The following ADAMTS17 variants were observed in gnomAD, a reference collection of about 807,000 sequenced individuals.
ADAMTS17 encodes ADAM metallopeptidase with thrombospondin type 1 motif 17, also known as A disintegrin and metalloproteinase with thrombospondin motifs 17.
Under a neutral mutation model 141.5 loss-of-function variants are expected in ADAMTS17, and 113 were observed. The ratio of observed to expected loss-of-function variants is 0.80; its 90% CI spans 0.69 to 0.93. The LOEUF is 0.93. Among genes scored for constraint, ADAMTS17 ranks in the 40% least tolerant of loss-of-function variants. ADAMTS17 has a pLI of 0.00. For missense variants in ADAMTS17, 1,659 were observed against 1,517.9 expected (o/e 1.09, Z -1.54); for synonymous variants, 768 against 630.6 (o/e 1.22, Z -3.27).
At position 99,976,636 on chromosome 15, in the gene ADAMTS17, G is replaced by A. The variant is rs1205521472; in HGVS notation, c.2950-414C>T. The A allele has an allele frequency of 9.4e-6, 3 of 319,208 alleles. No homozygotes were observed. In the East Asian group the frequency reaches 2.5e-4, roughly 26 times the overall value. The allele number at this position is 319,208 out of a possible 1,614,324, so 19.8% of individuals were successfully genotyped here. ...GAGTAGGGTTAGATGTCATGAGGGTGGAGCCTCCATGCTGGGAATAGTGTG... is the reference window on the plus strand; with the variant it reads ...GAGTAGGGTTAGATGTCATGAGGGTAGAGCCTCCATGCTGGGAATAGTGTG... On this transcript the variant is annotated intron_variant, in intron 20 of 21. Coordinates refer to ENST00000268070, the MANE Select transcript of ADAMTS17 (RefSeq NM_139057.4).
intron 20 of ADAMTS17, among the ~76,000 whole-genome samples, chr15:99,981,353 G>GCAGGGCCAGGT (rs144853592): frequency 0.05 from 7,619 of 152,244 alleles, 654 homozygotes; most frequent in African/African-American, 0.17. Flanking sequence ...CCCCCATGAG[G>GCAGGGCCAGGT]CAGGGCCAGG....
At chr15:100,013,891 G>A (rs977455539) in intron 18 of ADAMTS17, among the ~76,000 whole-genome samples, 5 of 152,124 alleles carry the variant, frequency 3.3e-5, no homozygotes, top group African/African-American at 1.2e-4. Context: ...GGGTGATGCT[G>A]GCTTCATAGA....
At chr15:100,059,272 C>T (rs1258089752) in intron 15 of ADAMTS17, among the ~76,000 whole-genome samples, 1 of 152,258 alleles carries the variant, frequency 6.6e-6, no homozygotes, top group Non-Finnish European at 1.5e-5. Flanking sequence ...TGCCCACGCA[C>T]TGCCTGTGGC....
At chr15:100,033,795 C>T (rs2030427497) in intron 18 of ADAMTS17, among the ~76,000 whole-genome samples, 1 of 152,160 alleles carries the variant, frequency 6.6e-6, no homozygotes, top group African/African-American at 2.4e-5. Context: ...GGAGCTACTC[C>T]ACATTCTTTC....
At chr15:100,299,155 GGTACTGGGCTA>G (rs1005357309) in intron 3 of ADAMTS17, among the ~76,000 whole-genome samples, 13 of 152,050 alleles carry the variant, frequency 8.5e-5, no homozygotes, top group Non-Finnish European at 1.8e-4. Flanking sequence ...CACATTCTAA[GGTACTGGGCTA>G]GTTAGTACTT....
intron 7 of ADAMTS17, among the ~76,000 whole-genome samples, chr15:100,227,757 T>G (rs1430600478): frequency 6.6e-6 from 1 of 152,208 alleles, no homozygotes; most frequent in African/African-American, 2.4e-5. Flanking sequence ...CAGCCACTGC[T>G]GCAAGGGAGA....
At chr15:100,025,029 G>C (rs1234390528) in intron 18 of ADAMTS17, among the ~76,000 whole-genome samples, 2 of 152,180 alleles carry the variant, frequency 1.3e-5, no homozygotes, top group Non-Finnish European at 1.5e-5. Context: ...CACACAGTCA[G>C]GGAGATCGGT....
At chr15:100,310,694 T>G (rs1364699324) in intron 3 of ADAMTS17, among the ~76,000 whole-genome samples, 1 of 152,164 alleles carries the variant, frequency 6.6e-6, no homozygotes, top group Admixed American at 6.5e-5. Flanking sequence ...CGCCTGACGT[T>G]TTCTGCTCCA....
chr15:99,975,553 T>C lies in ADAMTS17; in HGVS notation c.3127+492A>G, dbSNP rs1190184632. On this transcript the variant is annotated intron_variant, in intron 21 of 21. Transcript: ENST00000268070. ...TCTTCTCCTTGTATCACCACTGACC[T>C]GGGGCATGAACTGGTAAGAGGCCAG... Among the ~76,000 whole-genome samples, 10 of 152,056 alleles carry C rather than the reference T, an allele frequency of 6.6e-5. No individual in the cohort carries two copies. The East Asian group carries it at 1.9e-3, about 30-fold the overall frequency.
At chr15:100,156,119 C>T (rs147642048) in intron 8 of ADAMTS17, among the ~76,000 whole-genome samples, 1 of 152,348 alleles carries the variant, frequency 6.6e-6, no homozygotes, top group African/African-American at 2.4e-5. Flanking sequence ...AGACACTTTC[C>T]AAGTGCCAGG....
intron 4 of ADAMTS17, among the ~76,000 whole-genome samples, chr15:100,272,433 T>C (rs1369938004): frequency 1.3e-5 from 2 of 151,878 alleles, no homozygotes; most frequent in Non-Finnish European, 2.9e-5. Flanking sequence ...TCCTAAGTAT[T>C]TTATTCTTTT....
At chr15:99,975,986 A>G in intron 21 of ADAMTS17, 59 bp downstream of exon 21, 1 of 1,502,396 alleles carries the variant, frequency 6.7e-7, no homozygotes, top group East Asian at 2.5e-5. Context: ...GTCAGGGAGG[A>G]CTTACTGGGC....
chr15:100,296,616 T>TGC (rs61351083), intron 3 of ADAMTS17, among the ~76,000 whole-genome samples: 2,469 of 152,138 alleles, frequency 0.016, 32 homozygotes, highest in East Asian at 0.07. Flanking sequence ...TGTGTGTGTG[T>TGC]GCGCATGCAC....
chr15:100,097,122 C>T (rs79541748), intron 14 of ADAMTS17, among the ~76,000 whole-genome samples: 25 of 152,320 alleles, frequency 1.6e-4, no homozygotes, highest in African/African-American at 6.0e-4. Context: ...CTGAGAAGCA[C>T]AGCCTGTTTT....
chr15:100,069,815 C>A (rs991302019), intron 15 of ADAMTS17, among the ~76,000 whole-genome samples: 1 of 150,338 alleles, frequency 6.7e-6, no homozygotes, highest in East Asian at 1.9e-4. Context: ...ACCATCAAGG[C>A]TAGGAAGAAA....
At chr15:100,180,711 A>G (rs2040494216) in intron 8 of ADAMTS17, among the ~76,000 whole-genome samples, 1 of 152,090 alleles carries the variant, frequency 6.6e-6, no homozygotes. Context: ...GTGTTTTATA[A>G]TTTTCATTAC....
chr15:100,043,522 C>T (rs558087081), intron 18 of ADAMTS17, among the ~76,000 whole-genome samples: 4 of 152,214 alleles, frequency 2.6e-5, no homozygotes, highest in Non-Finnish European at 5.9e-5. Flanking sequence ...GTGCCAATAT[C>T]TCAGTGGGCA....
Position 100,262,334 on chromosome 15 carries a change from G to A in ADAMTS17, c.873+18C>T. 6.2e-7 allele frequency: 1 copy of A among 1,611,418 alleles called. No homozygotes were observed. The highest frequency in any genetic ancestry group is 8.5e-7 in the Non-Finnish European group (1 of 1,177,802). On this transcript the variant is annotated intron_variant, in intron 5 of 21. Transcript: ENST00000268070. Reference sequence around the variant, plus strand: ...GCCACATTTTCTGCTTGCTTGAAAGGTGCCTGTGGGGACTTACGGGACGTT... The same window carrying A: ...GCCACATTTTCTGCTTGCTTGAAAGATGCCTGTGGGGACTTACGGGACGTT...
chr15:100,273,470 C>A (rs76087837), intron 4 of ADAMTS17, among the ~76,000 whole-genome samples: 9,458 of 152,124 alleles, frequency 0.062, 351 homozygotes, highest in Non-Finnish European at 0.085. Context: ...TCTAGGTTAT[C>A]CATTTGTTAA....
Sources: gnomAD v4.1 joint callset for allele counts (sites outside exome capture counted in the v4.1 genomes callset) on GRCh38, gnomAD v4.1.1 for gene constraint, MANE v1.5 for transcripts, NCBI Gene and HGNC (gene_info 2026-07-23, HGNC 2026-07-21) for gene names.